The following DPYD variants were observed in gnomAD, a reference collection of about 807,000 sequenced individuals.
DPYD encodes dihydropyrimidine dehydrogenase [NADP(+)].
In DPYD, 109 loss-of-function variants were observed where a neutral mutation model predicts 116.2. The observed-to-expected ratio is 0.94, with a 90% CI of 0.80 to 1.10. The LOEUF (loss-of-function observed/expected upper bound fraction) is 1.10, where lower values mean the gene tolerates loss of function less well. Ranked by LOEUF, DPYD falls within the 50% of genes least tolerant of loss-of-function variation. DPYD has a pLI of 0.00. For synonymous variants in DPYD, 440 were observed against 432.0 expected, an observed-to-expected ratio of 1.02 and a Z score of -0.23; for missense variants, 1,302 against 1,254.5, an observed-to-expected ratio of 1.04 and a Z score of -0.57.
At chr1:97,451,462 T>G (rs1206486460) in intron 13 of DPYD, among the ~76,000 whole-genome samples, 1 of 152,214 alleles carries the variant, frequency 6.6e-6, no homozygotes, top group Non-Finnish European at 1.5e-5. Context: ...AATGTTACAA[T>G]AAGCCTCCTT....
intron 14 of DPYD, among the ~76,000 whole-genome samples, chr1:97,387,760 G>T (rs1672435043): frequency 6.6e-6 from 1 of 152,028 alleles, no homozygotes; most frequent in Non-Finnish European, 1.5e-5. Flanking sequence ...AATGAGCATG[G>T]TATGTTCAAG....
chr1:97,345,062 T>C (rs1669774911), intron 16 of DPYD, among the ~76,000 whole-genome samples: 1 of 151,966 alleles, frequency 6.6e-6, no homozygotes, highest in Non-Finnish European at 1.5e-5. Flanking sequence ...ATTTCCATTC[T>C]GACCAGCTGG....
intron 2 of DPYD, among the ~76,000 whole-genome samples, chr1:97,857,993 T>C (rs2101584811): frequency 6.6e-6 from 1 of 152,102 alleles, no homozygotes. Context: ...GATTGCTGTG[T>C]TGTATGAGAG....
intron 20 of DPYD, among the ~76,000 whole-genome samples, chr1:97,140,099 T>C (rs1039246662): frequency 2.6e-5 from 4 of 151,914 alleles, no homozygotes; most frequent in African/African-American, 9.7e-5. Flanking sequence ...TTGCTGACTG[T>C]AGTGATACCA....
chr1:97,852,135 C>G (rs916519227), intron 2 of DPYD, among the ~76,000 whole-genome samples: 1 of 151,770 alleles, frequency 6.6e-6, no homozygotes, highest in Non-Finnish European at 1.5e-5. Context: ...AGGACCAGCA[C>G]TAGGAAATTT....
At chr1:97,823,200 G>A (rs1014740604) in intron 3 of DPYD, among the ~76,000 whole-genome samples, 1 of 151,998 alleles carries the variant, frequency 6.6e-6, no homozygotes, top group Non-Finnish European at 1.5e-5. Flanking sequence ...TGTCACCCAG[G>A]CTGAAGGGCA....
At chr1:97,849,739 T>C (rs1670483044) in intron 2 of DPYD, among the ~76,000 whole-genome samples, 1 of 152,204 alleles carries the variant, frequency 6.6e-6, no homozygotes, top group Non-Finnish European at 1.5e-5. Flanking sequence ...TTTGCCACAC[T>C]TGCCATTCAT....
chr1:97,293,301 AT>A (rs1666326470), intron 18 of DPYD, among the ~76,000 whole-genome samples: 1 of 152,196 alleles, frequency 6.6e-6, no homozygotes, highest in Non-Finnish European at 1.5e-5. Context: ...GCTTAATGGA[AT>A]AAATTAATAC....
At chr1:97,569,918 A>T (rs1652778238) in intron 11 of DPYD, among the ~76,000 whole-genome samples, 1 of 151,998 alleles carries the variant, frequency 6.6e-6, no homozygotes, top group Non-Finnish European at 1.5e-5. Flanking sequence ...AATTATGTAA[A>T]GTAATGATGA....
intron 19 of DPYD, among the ~76,000 whole-genome samples, chr1:97,207,041 G>A (rs907616916): frequency 6.6e-6 from 1 of 151,958 alleles, no homozygotes; most frequent in Non-Finnish European, 1.5e-5. Context: ...AAAAAGGGCA[G>A]AGACTATATT....
At chr1:97,731,034 T>A (rs949606982) in intron 4 of DPYD, among the ~76,000 whole-genome samples, 36 of 152,232 alleles carry the variant, frequency 2.4e-4, no homozygotes, top group African/African-American at 7.7e-4. Flanking sequence ...GAAATATATA[T>A]ATATTCAAAC....
chr1:97,534,776 T>C (rs1649873431), intron 12 of DPYD, among the ~76,000 whole-genome samples: 1 of 152,070 alleles, frequency 6.6e-6, no homozygotes. Context: ...TTTTTTTAAA[T>C]GGGAAAATGG....
chr1:97,873,799 A>G (rs984558801), intron 2 of DPYD, among the ~76,000 whole-genome samples: 3 of 151,992 alleles, frequency 2.0e-5, no homozygotes, highest in African/African-American at 7.2e-5. Context: ...ATTTCAGTAA[A>G]TATTCAATTG....
At chr1:97,558,737 G>C (rs1262886809) in intron 11 of DPYD, among the ~76,000 whole-genome samples, 1 of 152,114 alleles carries the variant, frequency 6.6e-6, no homozygotes, top group East Asian at 1.9e-4. Flanking sequence ...TATTCTATTG[G>C]AAGTTTCATT....
At chr1:97,824,301 A>G (rs1036889736) in intron 3 of DPYD, among the ~76,000 whole-genome samples, 2 of 152,146 alleles carry the variant, frequency 1.3e-5, no homozygotes, top group South Asian at 2.1e-4. Flanking sequence ...AAGTAAGTGT[A>G]TCTATGTGTG....
intron 4 of DPYD, among the ~76,000 whole-genome samples, chr1:97,726,546 T>A (rs1022392974): frequency 2.0e-5 from 3 of 151,546 alleles, no homozygotes; most frequent in Non-Finnish European, 4.4e-5. Context: ...TCCTCTTATA[T>A]GACATCACAG....
In DPYD at chr1:97,434,225, C is replaced by T. The variant is rs529173285; in HGVS notation, c.1905+15834G>A. 3.9e-5 allele frequency among the ~76,000 whole-genome samples: 6 copies of T among 152,168 alleles called. No individual in the cohort carries two copies. In the South Asian group the frequency reaches 1.0e-3, roughly 26 times the overall value. On this transcript the variant is annotated intron_variant, in intron 14 of 22. Coordinates refer to ENST00000370192, the MANE Select transcript of DPYD (RefSeq NM_000110.4). Reference sequence around the variant, plus strand: ...AATATTACAGAAAATTTCCTTTTGGCTGATCAGTATATAGATCAGAAACTC... The same window carrying T: ...AATATTACAGAAAATTTCCTTTTGGTTGATCAGTATATAGATCAGAAACTC...
At chr1:97,662,219 C>G (rs1451990409) in intron 8 of DPYD, among the ~76,000 whole-genome samples, 1 of 150,700 alleles carries the variant, frequency 6.6e-6, no homozygotes, top group Non-Finnish European at 1.5e-5. Context: ...CCAGGATGGT[C>G]TCTCGATCTC....
intron 18 of DPYD, among the ~76,000 whole-genome samples, chr1:97,253,717 A>C (rs908951383): frequency 4.6e-5 from 7 of 152,298 alleles, no homozygotes; most frequent in East Asian, 1.9e-4. Flanking sequence ...AAATTGGATG[A>C]GAAGTATATA....
Sources: gnomAD v4.1 joint callset for allele counts (sites outside exome capture counted in the v4.1 genomes callset) on GRCh38, gnomAD v4.1.1 for gene constraint, MANE v1.5 for transcripts, NCBI Gene and HGNC (gene_info 2026-07-23, HGNC 2026-07-21) for gene names.